UNC13B: variants seen among roughly 807,000 people sequenced by gnomAD.
The protein encoded by UNC13B is protein unc-13 homolog B.
UNC13B carries 144 observed loss-of-function variants against 211.0 expected under a neutral mutation model. The ratio of observed to expected loss-of-function variants is 0.68; its 90% CI spans 0.60 to 0.78. UNC13B has a LOEUF of 0.78. Ranked by LOEUF, UNC13B falls within the 30% of genes least tolerant of loss-of-function variation. The pLI, the probability that UNC13B is intolerant of heterozygous loss-of-function variation, is 0.00. For missense variants in UNC13B, 1,777 were observed against 2,002.0 expected (o/e 0.89, Z 2.14); for synonymous variants, 709 against 725.8 (o/e 0.98, Z 0.37).
At chr9:35,172,301 C>T (rs1821375402) in intron 1 of UNC13B, among the ~76,000 whole-genome samples, 1 of 152,016 alleles carries the variant, frequency 6.6e-6, no homozygotes. Flanking sequence ...TCTGTCACCT[C>T]AAACATCTTT....
chr9:35,380,979 T>G lies in UNC13B; in HGVS notation c.10376-121T>G, dbSNP rs1834789106. 3 of 910,144 alleles carry G rather than the reference T, an allele frequency of 3.3e-6. No individual in the cohort carries two copies. In the East Asian group the frequency reaches 7.9e-5, roughly 24 times the overall value. 56.4% of individuals were successfully genotyped at this position (910,144 alleles called of 1,614,324 possible). On this transcript the variant is annotated intron_variant, in intron 18 of 39. Coordinates refer to ENST00000635942, the MANE Select transcript of UNC13B (RefSeq NM_001371189.2). ...GTGATTCACCCTATTTGGTGAGTCC[T>G]TGGGTTGGCCCCTTCTTTTCCTTGG...
intron 11 of UNC13B, chr9:35,353,166 A>G: frequency 8.1e-7 from 1 of 1,232,150 alleles, no homozygotes; most frequent in Non-Finnish European, 1.0e-6. Flanking sequence ...CTGAATGAAG[A>G]GGAGGAATGT....
At chr9:35,390,089 C>T in intron 25 of UNC13B, 116 bp downstream of exon 25, 1 of 1,517,734 alleles carries the variant, frequency 6.6e-7, no homozygotes, top group Non-Finnish European at 8.9e-7. Flanking sequence ...TCCTGTCCAT[C>T]CATCTGTCCC....
At chr9:35,403,280 T>C (rs1587788853) in intron 38 of UNC13B, 21 bp downstream of exon 38, 2 of 1,612,892 alleles carry the variant, frequency 1.2e-6, no homozygotes, top group East Asian at 4.5e-5. Flanking sequence ...GACTTACAGG[T>C]CTGCCCTTTC....
chr9:35,357,520 C>T (rs1343685603), intron 11 of UNC13B, among the ~76,000 whole-genome samples: 2 of 148,564 alleles, frequency 1.3e-5, no homozygotes, highest in East Asian at 1.9e-4. Flanking sequence ...TTCTCTCATT[C>T]TGTGGGTTGT....
intron 24 of UNC13B, among the ~76,000 whole-genome samples, chr9:35,387,232 A>T (rs1207514083): frequency 6.6e-6 from 1 of 152,246 alleles, no homozygotes; most frequent in African/African-American, 2.4e-5. Context: ...AACAAGGAAC[A>T]TTTGAGATAG....
intron 15 of UNC13B, among the ~76,000 whole-genome samples, 156 bp from the exon 16 acceptor site, chr9:35,377,312 A>G (rs1834488192): frequency 6.6e-6 from 1 of 152,230 alleles, no homozygotes; most frequent in African/African-American, 2.4e-5. Context: ...AGGGGTGGCA[A>G]GTGCAGGTGC....
chr9:35,226,899 A>T (rs1449741054), intron 1 of UNC13B, among the ~76,000 whole-genome samples: 1 of 152,194 alleles, frequency 6.6e-6, no homozygotes, highest in Non-Finnish European at 1.5e-5. Flanking sequence ...GTGGCACTCA[A>T]TAGAGTGTCA....
At position 35,306,808 on chromosome 9, in the gene UNC13B, C is replaced by T. The variant is rs1295110055; in HGVS notation, c.7404C>T (p.Phe2468=). The change falls in exon 9 of 40, where the codon TTC becomes TTT. Residue 2468 remains phenylalanine, a synonymous_variant. Transcript: ENST00000635942. The part of the protein sequence containing the change: ...LSGFVTKVKS[F]SGSLIEPPKT... ...GGTTTGTGACCAAAGTGAAATCTTT[C>T]TCTGGGAGCTTAATTGAACCTCCCA... 2.5e-6 allele frequency: 1 copy of T among 398,958 alleles called. No individual in the cohort carries two copies. Among genetic ancestry groups the T allele is most frequent in the East Asian group, 3.6e-5 (1 of 28,092 alleles). The allele number at this position is 398,958 out of a possible 1,614,324, so 24.7% of individuals were successfully genotyped here. A position where few individuals can be genotyped will look rare whatever the true frequency, so the allele number is the denominator to read the frequency against.
At chr9:35,381,259 G>A (rs1834815872) in intron 19 of UNC13B, 44 bp downstream of exon 19, 2 of 1,548,254 alleles carry the variant, frequency 1.3e-6, no homozygotes, top group East Asian at 4.5e-5. Context: ...AGCAGTGCTG[G>A]GAGAGGCCTT....
chr9:35,274,692 C>T (rs1828073300), intron 7 of UNC13B, among the ~76,000 whole-genome samples: 1 of 152,182 alleles, frequency 6.6e-6, no homozygotes, highest in African/African-American at 2.4e-5. Context: ...CCAGGTTCCT[C>T]TGGGACATTG....
chr9:35,289,712 C>T (rs764730952), intron 7 of UNC13B, among the ~76,000 whole-genome samples: 1 of 152,184 alleles, frequency 6.6e-6, no homozygotes, highest in Non-Finnish European at 1.5e-5. Flanking sequence ...CATGGTGGCT[C>T]ACTCCTGTAA....
chr9:35,287,407 C>T (rs552578705), intron 7 of UNC13B, among the ~76,000 whole-genome samples: 85 of 152,340 alleles, frequency 5.6e-4, no homozygotes, highest in Middle Eastern at 3.4e-3. Context: ...GCTGGGATTA[C>T]AGGCAAGAGC....
chr9:35,165,543 G>T (rs921481903), intron 1 of UNC13B, among the ~76,000 whole-genome samples: 3 of 151,558 alleles, frequency 2.0e-5, no homozygotes, highest in Non-Finnish European at 4.4e-5. Flanking sequence ...TTAGCCTCTG[G>T]GGTAGCTGGG....
At chr9:35,317,668 G>C in intron 11 of UNC13B, among the ~76,000 whole-genome samples, 1 of 149,978 alleles carries the variant, frequency 6.7e-6, no homozygotes, top group Non-Finnish European at 1.5e-5. Context: ...GACTACAGGC[G>C]TGGGCCACCA....
At chr9:35,212,392 GCGAAAACCTGTCT>G (rs1314898938) in intron 1 of UNC13B, among the ~76,000 whole-genome samples, 5 of 152,122 alleles carry the variant, frequency 3.3e-5, no homozygotes, top group African/African-American at 4.8e-5. Flanking sequence ...GGCCAACATG[GCGAAAACCTGTCT>G]CCACTAAAAA....
At chr9:35,311,968 T>C (rs1046607497) in intron 10 of UNC13B, among the ~76,000 whole-genome samples, 2 of 152,224 alleles carry the variant, frequency 1.3e-5, no homozygotes, top group Non-Finnish European at 2.9e-5. Context: ...GTCTCGGCAC[T>C]CGTGACATTT....
At chr9:35,271,428 T>G (rs1471502241) in intron 7 of UNC13B, among the ~76,000 whole-genome samples, 1 of 152,090 alleles carries the variant, frequency 6.6e-6, no homozygotes, top group Non-Finnish European at 1.5e-5. Flanking sequence ...GCTCCTCAAT[T>G]TATAGAGCTG....
intron 1 of UNC13B, among the ~76,000 whole-genome samples, chr9:35,186,830 T>TG (rs756025166): frequency 1.2e-4 from 18 of 152,234 alleles, no homozygotes; most frequent in South Asian, 2.1e-4. Context: ...TTACTGTACA[T>TG]GTGGCTGGCA....
Sources: allele counts gnomAD v4.1 joint callset (sites outside exome capture counted in the v4.1 genomes callset), GRCh38; gene constraint gnomAD v4.1.1; transcripts MANE v1.5; gene names NCBI Gene and HGNC (gene_info 2026-07-23, HGNC 2026-07-21).